Variants in CACNA1C observed in about 807,000 individuals in gnomAD.
CACNA1C encodes voltage-dependent L-type calcium channel subunit alpha-1C.
In CACNA1C, 30 loss-of-function variants were observed where a neutral mutation model predicts 229.0. The ratio of observed to expected loss-of-function variants is 0.13; its 90% CI spans 0.10 to 0.18. The LOEUF is 0.18. Among genes scored for constraint, CACNA1C ranks in the 10% least tolerant of loss-of-function variants. The pLI is 1.00. For missense variants in CACNA1C, 1,658 were observed against 2,845.0 expected, an observed-to-expected ratio of 0.58 and a Z score of 9.49; for synonymous variants, 1,114 against 1,132.5, an observed-to-expected ratio of 0.98 and a Z score of 0.33.
intron 3 of CACNA1C, among the ~76,000 whole-genome samples, chr12:2,122,722 GT>G (rs2154152191): frequency 6.6e-6 from 1 of 152,312 alleles, no homozygotes; most frequent in South Asian, 2.1e-4. Context: ...GCTCATCTGT[GT>G]CCACAGATTT....
At chr12:2,177,464 CCTTT>C (rs988168465) in intron 3 of CACNA1C, among the ~76,000 whole-genome samples, 12 of 151,778 alleles carry the variant, frequency 7.9e-5, no homozygotes, top group South Asian at 2.1e-4. Context: ...TGTTTCTCTC[CCTTT>C]CTTTCTTTCT....
intron 3 of CACNA1C, among the ~76,000 whole-genome samples, chr12:2,193,225 C>T (rs1282562091): frequency 2.6e-5 from 4 of 152,232 alleles, no homozygotes; most frequent in East Asian, 3.9e-4. Flanking sequence ...GAGGCTGAGG[C>T]GGGTGGATCA....
At chr12:2,648,609 G>A in intron 31 of CACNA1C, 102 bp downstream of exon 31, 1 of 984,904 alleles carries the variant, frequency 1.0e-6, no homozygotes, top group Non-Finnish European at 1.6e-6. Context: ...GCCCTGCCTG[G>A]CTCTCACTGC....
At chr12:2,172,038 G>T (rs2096503185) in intron 3 of CACNA1C, among the ~76,000 whole-genome samples, 1 of 152,206 alleles carries the variant, frequency 6.6e-6, no homozygotes, top group Non-Finnish European at 1.5e-5. Flanking sequence ...ATGCAGGGTT[G>T]TTCCTGCTTT....
intron 18 of CACNA1C, among the ~76,000 whole-genome samples, chr12:2,589,278 G>A (rs1046850111): frequency 6.6e-6 from 1 of 152,236 alleles, no homozygotes; most frequent in Non-Finnish European, 1.5e-5. Context: ...GACATCACAT[G>A]ATGTGAAGAT....
chr12:2,230,084 G>A (rs3829331), intron 3 of CACNA1C, among the ~76,000 whole-genome samples: 74,780 of 151,454 alleles, frequency 0.49, 19,849 homozygotes, highest in East Asian at 0.65. Context: ...GGGGAAGAAG[G>A]GGCCTGGAGA....
intron 3 of CACNA1C, among the ~76,000 whole-genome samples, chr12:2,341,539 G>T (rs1321427098): frequency 6.6e-6 from 1 of 152,202 alleles, no homozygotes; most frequent in Non-Finnish European, 1.5e-5. Context: ...ACAGGCCCCT[G>T]TGCACACCTG....
At chr12:2,388,840 A>G (rs568906418) in intron 3 of CACNA1C, among the ~76,000 whole-genome samples, 1 of 152,304 alleles carries the variant, frequency 6.6e-6, no homozygotes, top group African/African-American at 2.4e-5. Context: ...TTCATGGTCC[A>G]TGTTGGGTTT....
At chr12:2,264,495 A>G (rs751448202) in intron 3 of CACNA1C, among the ~76,000 whole-genome samples, 1 of 152,198 alleles carries the variant, frequency 6.6e-6, no homozygotes, top group Non-Finnish European at 1.5e-5. Flanking sequence ...TCCAAGTTAG[A>G]AGCTTCATGA....
chr12:2,067,629 G>A lies in CACNA1C; in HGVS notation c.49+14018G>A, dbSNP rs941203197. Among the ~76,000 whole-genome samples the A allele has an allele frequency of 3.3e-5, 5 of 152,150 alleles. No homozygotes were observed. Among genetic ancestry groups the A allele is most frequent in the East Asian group, 1.9e-4 (1 of 5,192 alleles). ...GCAGCCCTGAGGTCACGTTTGTGAC[G>A]TGGATGGAAGGAAGCAGGGGATGGG... is the stretch of plus-strand genomic sequence containing the variant. On this transcript the variant is annotated intron_variant, in intron 1 of 46. Transcript: ENST00000399655. The surrounding 1 kb of genome is among the most constrained non-coding windows in gnomAD (Gnocchi z 5.3).
At chr12:2,458,973 T>TTTTC (rs2099469149) in intron 5 of CACNA1C, among the ~76,000 whole-genome samples, 1 of 141,182 alleles carries the variant, frequency 7.1e-6, no homozygotes, top group Non-Finnish European at 1.5e-5. Context: ...CTTGGATTCT[T>TTTTC]TTTCTTTCTT....
Position 2,108,653 on chromosome 12 carries a change from C to T in CACNA1C, c.50-6571C>T, listed in dbSNP as rs1281522902. Among the ~76,000 whole-genome samples, 1 of 152,182 alleles carries T rather than the reference C, an allele frequency of 6.6e-6. No individual in the cohort carries two copies. On this transcript the variant is annotated intron_variant, in intron 1 of 46. Coordinates refer to ENST00000399655, the MANE Select transcript of CACNA1C (RefSeq NM_000719.7). The surrounding 1 kb of genome is among the most constrained non-coding windows in gnomAD (Gnocchi z 5.3). ...ACCGCAAGTTTACCAGCCTCCCACC[C>T]ACCACATGGTGCTCAGCACACACCA...
chr12:2,151,442 T>C (rs1202793776), intron 3 of CACNA1C, among the ~76,000 whole-genome samples: 1 of 151,902 alleles, frequency 6.6e-6, no homozygotes, highest in African/African-American at 2.4e-5. Flanking sequence ...TTATAGACAT[T>C]TGCATTGGTT....
At chr12:2,004,132 T>C in intron 1 of CACNA1C, 1 of 977,028 alleles carries the variant, frequency 1.0e-6, no homozygotes, top group Non-Finnish European at 1.5e-6. Flanking sequence ...CGAGACCCCA[T>C]CTCCACAACT....
chr12:1,995,388 C>T (rs2040560376), intron 1 of CACNA1C, among the ~76,000 whole-genome samples: 1 of 152,272 alleles, frequency 6.6e-6, no homozygotes, highest in South Asian at 2.1e-4. Flanking sequence ...TTGTAAACTT[C>T]AGAATCCTCA....
Position 2,256,322 on chromosome 12 carries a change from G to C in CACNA1C, c.477+135892G>C, listed in dbSNP as rs74059819. On this transcript the variant is annotated intron_variant, in intron 3 of 46. Transcript: ENST00000399655. ...GGTAATCAGTCACCTTGGGCACATT[G>C]GTGTCTTAAAAATGACTTAAACACA... Among the ~76,000 whole-genome samples the C allele has an allele frequency of 8.4e-3, 1,285 of 152,278 alleles. 18 individuals carry two copies. The highest frequency in any genetic ancestry group is 0.029 in the African/African-American group (1,222 of 41,564).
In CACNA1C at chr12:2,688,568, T is replaced by C. The variant is rs1298514198; in HGVS notation, c.5906T>C (p.Val1969Ala). 6 of 1,613,768 alleles carry C rather than the reference T, an allele frequency of 3.7e-6. No individual in the cohort carries two copies. In the African/African-American group the frequency reaches 8.0e-5, roughly 22 times the overall value. Reference sequence around the variant, plus strand: ...AGCCGAGGCTGGCCCCCACAGCCCGTCCCCACCCTGCGGCTTGAGGGGGTC... The same window carrying C: ...AGCCGAGGCTGGCCCCCACAGCCCGCCCCCACCCTGCGGCTTGAGGGGGTC... ...PGSRGWPPQP[V>A]PTLRLEGVES... The change falls in exon 46 of 47, where the codon GTC becomes GCC. Residue 1969 changes from valine to alanine, a missense_variant. Physicochemically the swap from Val to Ala is moderately conservative, Grantham distance 64. Coordinates refer to ENST00000399655, the MANE Select transcript of CACNA1C (RefSeq NM_000719.7).
Position 2,053,602 on chromosome 12 carries a change from A to C in CACNA1C, c.40A>C (p.Asn14His). ...ENTRMYIPEE[N>H]HQGSNYGSPR... is the part of the protein sequence containing the mutation. ...TACGAGGATGTACATTCCAGAGGAA[A>C]ACCACCAAGGTAAGGCTGGACCCCG... is the stretch of plus-strand genomic sequence containing the variant. The change falls in exon 1 of 47, where the codon AAC (asparagine) becomes CAC (histidine). Residue 14 changes from asparagine (N) to histidine (H), a missense_variant. By Grantham distance (68) the Asn-to-His change is moderately conservative. Coordinates refer to ENST00000399655, the MANE Select transcript of CACNA1C (RefSeq NM_000719.7). The surrounding 1 kb of genome is among the most constrained non-coding windows in gnomAD (Gnocchi z 5.8). The C allele has an allele frequency of 6.3e-7, 1 of 1,598,522 alleles. No homozygotes were observed. Among genetic ancestry groups the C allele is most frequent in the Non-Finnish European group, 8.5e-7 (1 of 1,172,720 alleles).
Position 2,653,911 on chromosome 12 carries a change from TC to T in CACNA1C, c.4140+14del. On this transcript the variant is annotated intron_variant, in intron 33 of 46. Coordinates refer to ENST00000399655, the MANE Select transcript of CACNA1C (RefSeq NM_000719.7). The surrounding 1 kb of genome is among the most constrained non-coding windows in gnomAD (Gnocchi z 4.7). ...GTGATCGGGATGCAGGTAGGGAGGCTCCCACCACGGGGCTCCTGGCCTCCCG... is the reference window on the plus strand; with the variant it reads ...GTGATCGGGATGCAGGTAGGGAGGCTCCACCACGGGGCTCCTGGCCTCCCG... 1 of 1,612,116 alleles carries T rather than the reference TC, an allele frequency of 6.2e-7. No homozygotes were observed.
Sources: allele counts gnomAD v4.1 joint callset (sites outside exome capture counted in the v4.1 genomes callset), GRCh38; gene constraint gnomAD v4.1.1; non-coding constraint Gnocchi (gnomAD v3.1); transcripts MANE v1.5; gene names NCBI Gene and HGNC (gene_info 2026-07-23, HGNC 2026-07-21).